The following ADAMTS9 variants were observed in gnomAD, a reference collection of about 807,000 sequenced individuals.
The protein encoded by ADAMTS9 is A disintegrin and metalloproteinase with thrombospondin motifs 9.
Under a neutral mutation model 257.1 loss-of-function variants are expected in ADAMTS9, and 107 were observed. The ratio of observed to expected loss-of-function variants is 0.42; its 90% CI spans 0.36 to 0.49. ADAMTS9 has a LOEUF of 0.49. ADAMTS9 is among the 20% of genes least tolerant of loss of function. The pLI is 0.03. For missense variants in ADAMTS9, 2,353 were observed against 2,469.1 expected (o/e 0.95, Z 1.00); for synonymous variants, 982 against 880.9 (o/e 1.11, Z -2.03).
In ADAMTS9 at chr3:64,544,977, A is replaced by G. The variant is rs2083177822; in HGVS notation, c.5064+1781T>C. On this transcript the variant is annotated intron_variant, in intron 32 of 39. Coordinates refer to ENST00000498707, the MANE Select transcript of ADAMTS9 (RefSeq NM_182920.2). Reference sequence around the variant, plus strand: ...ATATGAACAGACACTTCTCAAAAGAAGACATTTATGCAGCCAAAAGACACA... The same window carrying G: ...ATATGAACAGACACTTCTCAAAAGAGGACATTTATGCAGCCAAAAGACACA... Among the ~76,000 whole-genome samples, 4 of 143,222 alleles carry G rather than the reference A, an allele frequency of 2.8e-5. No individual in the cohort carries two copies. The South Asian group carries it at 9.7e-4, about 35-fold the overall frequency. The allele number at this position is 143,222 out of a possible 152,430, so 94.0% of individuals were successfully genotyped here. A position where few individuals can be genotyped will look rare whatever the true frequency, so the allele number is the denominator to read the frequency against.
intron 38 of ADAMTS9, among the ~76,000 whole-genome samples, chr3:64,531,583 T>A (rs1304494989): frequency 2.6e-5 from 4 of 151,796 alleles, no homozygotes; most frequent in Non-Finnish European, 5.9e-5. Flanking sequence ...TCCTCCCACC[T>A]CAACCTCCAA....
intron 22 of ADAMTS9, among the ~76,000 whole-genome samples, chr3:64,610,124 G>T (rs1226352444): frequency 6.6e-6 from 1 of 152,112 alleles, no homozygotes; most frequent in African/African-American, 2.4e-5. Context: ...ACCCAAAATG[G>T]ATCAGTGGCC....
rs183563242 is a variant in ADAMTS9 at position 64,618,254 on chromosome 3, T to G, written c.2814-2084A>C. The stretch of plus-strand genomic sequence containing the variant: ...TATCTACCAAAAGACCTGGACATAA[T>G]CCCTTTACCTTTTCTTTAATTAGAG... On this transcript the variant is annotated intron_variant, in intron 19 of 39. Coordinates refer to ENST00000498707, the MANE Select transcript of ADAMTS9 (RefSeq NM_182920.2). Among the ~76,000 whole-genome samples, 4 of 152,306 alleles carry G rather than the reference T, an allele frequency of 2.6e-5. No homozygotes were observed. The East Asian group carries it at 7.7e-4, about 29-fold the overall frequency.
intron 38 of ADAMTS9, 137 bp from the exon 39 acceptor site, chr3:64,522,397 T>C (rs543851971): frequency 1.6e-4 from 115 of 703,866 alleles, no homozygotes; most frequent in South Asian, 1.5e-3. Flanking sequence ...ATACTCACCA[T>C]GGTCTAAAGC....
intron 29 of ADAMTS9, among the ~76,000 whole-genome samples, chr3:64,566,880 A>G (rs944306161): frequency 1.3e-5 from 2 of 151,596 alleles, no homozygotes; most frequent in Non-Finnish European, 2.9e-5. Context: ...AAAGGGATGG[A>G]AGTTAACAGA....
At chr3:64,680,239 T>C (rs939820479) in intron 3 of ADAMTS9, among the ~76,000 whole-genome samples, 2 of 152,200 alleles carry the variant, frequency 1.3e-5, no homozygotes, top group Non-Finnish European at 2.9e-5. Flanking sequence ...CCTGGTGGTC[T>C]TGAATTTAGG....
chr3:64,681,135 C>G, intron 3 of ADAMTS9, 66 bp downstream of exon 3: 2 of 1,526,446 alleles, frequency 1.3e-6, no homozygotes, highest in Non-Finnish European at 1.8e-6. Flanking sequence ...AGAGCTACAT[C>G]TCTGTAGTAT....
chr3:64,526,167 GAGA>G (rs35564913), intron 38 of ADAMTS9, among the ~76,000 whole-genome samples: 39,927 of 149,396 alleles, frequency 0.27, 6,743 homozygotes, highest in Non-Finnish European at 0.38. Flanking sequence ...ATAGCTAGAA[GAGA>G]AGAATTGTAA....
chr3:64,654,687 T>C (rs1701019062), intron 6 of ADAMTS9, 75 bp from the exon 7 acceptor site: 1 of 1,529,604 alleles, frequency 6.5e-7, no homozygotes. Context: ...TTTAGGGTCG[T>C]CTAGGCATTC....
At position 64,594,437 on chromosome 3, in the gene ADAMTS9, G is replaced by C; in HGVS notation, c.4180-3C>G. ...CCTCCACCACACAGCTTAGTGCACT[G>C]GAAGAAGGAAAAGGAAGGCTGCAGT... On this transcript the variant is annotated splice_region_variant and splice_polypyrimidine_tract_variant and intron_variant, in intron 27 of 39. Transcript: ENST00000498707. The C allele has an allele frequency of 6.2e-7, 1 of 1,607,044 alleles. No individual in the cohort carries two copies. Among genetic ancestry groups the C allele is most frequent in the Non-Finnish European group, 8.5e-7 (1 of 1,176,902 alleles).
At chr3:64,619,230 G>A (rs1700044363) in intron 19 of ADAMTS9, among the ~76,000 whole-genome samples, 1 of 152,078 alleles carries the variant, frequency 6.6e-6, no homozygotes, top group Non-Finnish European at 1.5e-5. Flanking sequence ...GACTCAACCA[G>A]TCTCGTTCTG....
At chr3:64,622,081 G>A in intron 18 of ADAMTS9, 117 bp downstream of exon 18, 1 of 1,069,130 alleles carries the variant, frequency 9.4e-7, no homozygotes, top group Non-Finnish European at 1.3e-6. Context: ...AAAGAGATTA[G>A]AGAACGTATG....
intron 32 of ADAMTS9, among the ~76,000 whole-genome samples, chr3:64,543,302 G>C (rs901700705): frequency 6.6e-6 from 1 of 152,170 alleles, no homozygotes; most frequent in African/African-American, 2.4e-5. Flanking sequence ...AAGCCTGGCA[G>C]AGACACAACA....
intron 3 of ADAMTS9, among the ~76,000 whole-genome samples, chr3:64,677,498 G>T (rs367879497): frequency 2.0e-5 from 3 of 152,200 alleles, no homozygotes; most frequent in African/African-American, 7.2e-5. Flanking sequence ...CTGGCAGGGT[G>T]ACCTTGGGCA....
chr3:64,620,510 T>G lies in ADAMTS9; in HGVS notation c.2813+604A>C, dbSNP rs541221495. On this transcript the variant is annotated intron_variant, in intron 19 of 39. Coordinates refer to ENST00000498707, the MANE Select transcript of ADAMTS9 (RefSeq NM_182920.2). Reference sequence around the variant, plus strand: ...AAGCCCCGACTACTTAATATTTCAATATGACACAGTCAACCTTGCAGGCAA... The same window carrying G: ...AAGCCCCGACTACTTAATATTTCAAGATGACACAGTCAACCTTGCAGGCAA... Among the ~76,000 whole-genome samples the G allele has an allele frequency of 1.7e-4, 26 of 152,326 alleles. No homozygotes were observed. The South Asian group carries it at 5.2e-3, about 30-fold the overall frequency.
chr3:64,650,732 C>G, intron 9 of ADAMTS9: 2 of 326,726 alleles, frequency 6.1e-6, no homozygotes, highest in Non-Finnish European at 1.1e-5. Flanking sequence ...CTCCCAATGT[C>G]TGAACAAATC....
At chr3:64,640,296 C>T (rs1050668798) in intron 12 of ADAMTS9, among the ~76,000 whole-genome samples, 1 of 152,164 alleles carries the variant, frequency 6.6e-6, no homozygotes, top group African/African-American at 2.4e-5. Context: ...GGCTTGCAAA[C>T]CAGTTGCCTA....
At chr3:64,596,221 T>G (rs1485882896) in intron 27 of ADAMTS9, among the ~76,000 whole-genome samples, 3 of 152,186 alleles carry the variant, frequency 2.0e-5, no homozygotes, top group Non-Finnish European at 2.9e-5. Flanking sequence ...ACAAAACTTT[T>G]AAGAGCCAGA....
chr3:64,672,613 G>A (rs1701520669), intron 3 of ADAMTS9, among the ~76,000 whole-genome samples: 1 of 152,182 alleles, frequency 6.6e-6, no homozygotes, highest in Admixed American at 6.5e-5. Flanking sequence ...AACCTGGAAG[G>A]TGGAGGTTGC....
Sources: allele counts gnomAD v4.1 joint callset (sites outside exome capture counted in the v4.1 genomes callset), GRCh38; gene constraint gnomAD v4.1.1; transcripts MANE v1.5; gene names NCBI Gene and HGNC (gene_info 2026-07-23, HGNC 2026-07-21).